The following KCNMA1 variants were observed in gnomAD, a reference collection of about 807,000 sequenced individuals.
KCNMA1 encodes Calcium-activated potassium channel subunit alpha-1.
In KCNMA1, 29 loss-of-function variants were observed where a neutral mutation model predicts 140.0. The observed-to-expected ratio is 0.21, with a 90% CI of 0.15 to 0.28. The LOEUF (loss-of-function observed/expected upper bound fraction) is 0.28, where lower values mean the gene tolerates loss of function less well. KCNMA1 is among the 10% of genes least tolerant of loss of function. The pLI, the probability that KCNMA1 is intolerant of heterozygous loss-of-function variation, is 1.00. For missense variants in KCNMA1, 880 were observed against 1,602.2 expected, an observed-to-expected ratio of 0.55 and a Z score of 7.70; for synonymous variants, 612 against 611.9, an observed-to-expected ratio of 1.00 and a Z score of 0.00.
chr10:77,252,628 A>C (rs762003151), intron 2 of KCNMA1, among the ~76,000 whole-genome samples: 12 of 151,540 alleles, frequency 7.9e-5, no homozygotes, highest in Admixed American at 6.6e-4. Flanking sequence ...ACACACACAC[A>C]CTCCTGTATT....
At chr10:77,623,507 C>G (rs745502199) in intron 1 of KCNMA1, among the ~76,000 whole-genome samples, 1 of 151,702 alleles carries the variant, frequency 6.6e-6, no homozygotes, top group Non-Finnish European at 1.5e-5. Context: ...ACCAGCCTGG[C>G]CAACACGGTA....
At chr10:76,960,531 C>T (rs1198212933) in intron 20 of KCNMA1, among the ~76,000 whole-genome samples, 2 of 144,984 alleles carry the variant, frequency 1.4e-5, no homozygotes, top group African/African-American at 5.0e-5. Context: ...AGGGCCAGAC[C>T]CTGTCTAAAA....
intron 5 of KCNMA1, among the ~76,000 whole-genome samples, chr10:77,135,982 G>C (rs1318931659): frequency 6.6e-6 from 1 of 152,138 alleles, no homozygotes; most frequent in African/African-American, 2.4e-5. Flanking sequence ...ACAAAAATAA[G>C]TAAGCACTGT....
intron 5 of KCNMA1, among the ~76,000 whole-genome samples, chr10:77,178,135 T>C (rs903666953): frequency 2.6e-5 from 4 of 152,224 alleles, no homozygotes; most frequent in African/African-American, 9.6e-5. Context: ...CTAAGGCCAG[T>C]TCTGATACAG....
chr10:77,036,662 T>C (rs2094356314), intron 15 of KCNMA1, among the ~76,000 whole-genome samples: 1 of 152,222 alleles, frequency 6.6e-6, no homozygotes, highest in African/African-American at 2.4e-5. Context: ...GCATCCTTTA[T>C]GTCATTTTGA....
chr10:77,555,857 T>C (rs1207685038), intron 1 of KCNMA1, among the ~76,000 whole-genome samples: 1 of 102,768 alleles, frequency 9.7e-6, no homozygotes, highest in African/African-American at 4.7e-5. Context: ...AGAAATCTTG[T>C]TTCTGGTTCT....
chr10:77,260,950 T>C (rs1485667584), intron 2 of KCNMA1, among the ~76,000 whole-genome samples: 1 of 152,176 alleles, frequency 6.6e-6, no homozygotes. Context: ...AACGTTCCAA[T>C]AATAAGTGAA....
At chr10:77,364,058 TA>T (rs2094178940) in intron 2 of KCNMA1, among the ~76,000 whole-genome samples, 1 of 152,224 alleles carries the variant, frequency 6.6e-6, no homozygotes, top group Non-Finnish European at 1.5e-5. Flanking sequence ...CTTTGTTGAA[TA>T]AATGTGTCCA....
intron 2 of KCNMA1, among the ~76,000 whole-genome samples, chr10:77,386,435 G>A (rs536715872): frequency 3.9e-5 from 6 of 152,204 alleles, no homozygotes; most frequent in Non-Finnish European, 7.3e-5. Flanking sequence ...CTGAGAGTGA[G>A]TTACGGCCCA....
intron 3 of KCNMA1, among the ~76,000 whole-genome samples, chr10:77,236,198 G>A (rs2055384875): frequency 6.6e-6 from 1 of 152,188 alleles, no homozygotes; most frequent in African/African-American, 2.4e-5. Context: ...ACACATTGAT[G>A]CTGGGAGGTA....
chr10:77,057,664 T>C (rs2095588886), intron 14 of KCNMA1, among the ~76,000 whole-genome samples: 1 of 151,998 alleles, frequency 6.6e-6, no homozygotes, highest in South Asian at 2.1e-4. Flanking sequence ...AAGAGGCAAA[T>C]CATGGAATCC....
Position 77,637,505 on chromosome 10 carries a change from AGAGGAGGAGGAG to A in KCNMA1, c.126_137del (p.Ser57_Ser60del). The stretch of plus-strand genomic sequence containing the variant: ...AGGAGGAGGAAGAAGAAGAAGAGGA[AGAGGAGGAGGAG>A]GAGGAGGAGGACGCGTCTAGGCTGA... On this transcript the variant is annotated inframe_deletion, in exon 1 of 28. Coordinates refer to ENST00000286628, the MANE Select transcript of KCNMA1 (RefSeq NM_001161352.2). The A allele has an allele frequency of 6.4e-7, 1 of 1,572,952 alleles. No individual in the cohort carries two copies. The highest frequency in any genetic ancestry group is 8.7e-7 in the Non-Finnish European group (1 of 1,152,392).
chr10:77,470,793 A>G (rs1013281416), intron 1 of KCNMA1, among the ~76,000 whole-genome samples: 2 of 152,150 alleles, frequency 1.3e-5, no homozygotes, highest in Non-Finnish European at 2.9e-5. Flanking sequence ...ATCAAAAACT[A>G]CTTCTTTAGA....
intron 1 of KCNMA1, among the ~76,000 whole-genome samples, chr10:77,598,642 T>A (rs2081640188): frequency 6.6e-6 from 1 of 152,226 alleles, no homozygotes; most frequent in Admixed American, 6.5e-5. Flanking sequence ...AGCAAAGATG[T>A]AAGTCAGACT....
chr10:77,145,189 G>A (rs1008099950), intron 5 of KCNMA1, among the ~76,000 whole-genome samples: 8 of 152,156 alleles, frequency 5.3e-5, no homozygotes, highest in Non-Finnish European at 1.2e-4. Flanking sequence ...CCTGGAACCA[G>A]CAGCAGGGGA....
At chr10:76,972,020 C>T (rs974729281) in intron 19 of KCNMA1, among the ~76,000 whole-genome samples, 1 of 151,816 alleles carries the variant, frequency 6.6e-6, no homozygotes, top group African/African-American at 2.4e-5. Context: ...CGCACTTTCC[C>T]CATCTTAGAA....
intron 1 of KCNMA1, among the ~76,000 whole-genome samples, chr10:77,595,822 T>C (rs1168628701): frequency 1.3e-5 from 2 of 152,196 alleles, no homozygotes; most frequent in African/African-American, 4.8e-5. Flanking sequence ...CTAATTTTTA[T>C]ATTTTTAGTA....
chr10:77,449,732 T>TCCC (rs2097594347), intron 1 of KCNMA1, among the ~76,000 whole-genome samples: 1 of 149,594 alleles, frequency 6.7e-6, no homozygotes, highest in Non-Finnish European at 1.5e-5. Context: ...AAGCTCCACC[T>TCCC]CCCGGGTTCA....
chr10:77,471,222 T>C (rs1399817666), intron 1 of KCNMA1, among the ~76,000 whole-genome samples: 2 of 118,856 alleles, frequency 1.7e-5, no homozygotes, highest in South Asian at 2.7e-4. Flanking sequence ...CAACACACAT[T>C]ACACACATAA....
Sources: gnomAD v4.1 joint callset for allele counts (sites outside exome capture counted in the v4.1 genomes callset) on GRCh38, gnomAD v4.1.1 for gene constraint, MANE v1.5 for transcripts, NCBI Gene and HGNC (gene_info 2026-07-23, HGNC 2026-07-21) for gene names.